Variants in CCNB1IP1 observed in about 807,000 individuals in gnomAD.
The protein encoded by CCNB1IP1 is cyclin B1 interacting protein 1.
In CCNB1IP1, 14 loss-of-function variants were observed where a neutral mutation model predicts 25.6. The observed-to-expected ratio is 0.55, with a 90% CI of 0.36 to 0.85. CCNB1IP1 has a LOEUF of 0.85. Ranked by LOEUF, CCNB1IP1 falls within the 40% of genes least tolerant of loss-of-function variation. The probability of loss-of-function intolerance (pLI) is 0.01; values close to 1 mark genes in which losing one functional copy is unlikely to be tolerated. For missense variants in CCNB1IP1, 278 were observed against 342.4 expected, an observed-to-expected ratio of 0.81 and a Z score of 1.48; for synonymous variants, 119 against 116.1, an observed-to-expected ratio of 1.02 and a Z score of -0.16.
At chr14:20,327,908 C>A (rs1419692710) in intron 2 of CCNB1IP1, among the ~76,000 whole-genome samples, 1 of 152,094 alleles carries the variant, frequency 6.6e-6, no homozygotes, top group Non-Finnish European at 1.5e-5. Context: ...CAATAAGTAA[C>A]CACTTAATTA....
chr14:20,328,040 T>G (rs1883129007), intron 2 of CCNB1IP1, among the ~76,000 whole-genome samples: 1 of 152,212 alleles, frequency 6.6e-6, no homozygotes, highest in Admixed American at 6.5e-5. Context: ...CATCAGTGCC[T>G]TTAAGAATGG....
At chr14:20,316,152 A>G (rs1161088444) in intron 5 of CCNB1IP1, 75 bp downstream of exon 5, 1 of 1,293,092 alleles carries the variant, frequency 7.7e-7, no homozygotes, top group African/African-American at 1.5e-5. Context: ...TAATAATACA[A>G]TGAAGGAAAG....
chr14:20,321,564 G>A (rs1882896331), intron 4 of CCNB1IP1, among the ~76,000 whole-genome samples: 1 of 151,622 alleles, frequency 6.6e-6, no homozygotes, highest in African/African-American at 2.4e-5. Context: ...GCAATTCCTT[G>A]CCTCAGCCTC....
chr14:20,312,113 C>T (rs1035341379), intron 6 of CCNB1IP1, among the ~76,000 whole-genome samples: 1 of 152,032 alleles, frequency 6.6e-6, no homozygotes, highest in African/African-American at 2.4e-5. Flanking sequence ...AAGGAAAATG[C>T]TGACTATATA....
chr14:20,330,557 T>C (rs1026064289), intron 1 of CCNB1IP1: 3 of 151,920 alleles, frequency 2.0e-5, no homozygotes, highest in African/African-American at 7.3e-5. Flanking sequence ...GTCACTCATA[T>C]AGTACTCATA....
chr14:20,318,660 G>A (rs1193014971), intron 4 of CCNB1IP1, among the ~76,000 whole-genome samples: 1 of 152,060 alleles, frequency 6.6e-6, no homozygotes, highest in African/African-American at 2.4e-5. Flanking sequence ...AGCTGCTTTA[G>A]GTAATTATTT....
intron 2 of CCNB1IP1, among the ~76,000 whole-genome samples, chr14:20,328,148 A>G (rs986685148): frequency 2.0e-5 from 3 of 152,124 alleles, no homozygotes; most frequent in Non-Finnish European, 4.4e-5. Context: ...AAATTTTACA[A>G]CCCCCTATTT....
At position 20,311,544 on chromosome 14, in the gene CCNB1IP1, C is replaced by T. The variant is rs376611639; in HGVS notation, c.*6G>A. ...GGGATCACAGGTGCGTGACACTATG[C>T]GTGGCTCAAATTCTTTTTACTTTGA... On this transcript the variant is annotated 3_prime_UTR_variant, in exon 7 of 7. Transcript: ENST00000358932. 2.4e-5 allele frequency: 39 copies of T among 1,610,972 alleles called. No homozygotes were observed. The East Asian group carries it at 6.0e-4, about 25-fold the overall frequency.
At chr14:20,314,817 C>T (rs1488277603) in intron 5 of CCNB1IP1, among the ~76,000 whole-genome samples, 2 of 151,914 alleles carry the variant, frequency 1.3e-5, no homozygotes, top group African/African-American at 4.8e-5. Flanking sequence ...CTCGGCCGGG[C>T]GCGGTGGCTC....
intron 1 of CCNB1IP1, chr14:20,332,805 C>A (rs1240048967): frequency 6.6e-6 from 1 of 152,224 alleles, no homozygotes; most frequent in Non-Finnish European, 1.5e-5. Context: ...CTGCAGCTTC[C>A]ACAAACCCAG....
chr14:20,323,619 G>T (rs552374952), intron 4 of CCNB1IP1, among the ~76,000 whole-genome samples: 1 of 151,704 alleles, frequency 6.6e-6, no homozygotes, highest in South Asian at 2.1e-4. Flanking sequence ...TATAAGATAG[G>T]AATCATTACA....
At position 20,332,026 on chromosome 14, in the gene CCNB1IP1, A is replaced by AT. The variant is rs57345952; in HGVS notation, c.-431+1227dup. On this transcript the variant is annotated intron_variant, in intron 1 of 6. Coordinates refer to ENST00000358932, the MANE Select transcript of CCNB1IP1 (RefSeq NM_021178.5). Reference sequence around the variant, plus strand: ...TATACATATATATATATATATATATATTTTTTTTTTTTTTTTTTTTTTTTT... The same window carrying AT: ...TATACATATATATATATATATATATATTTTTTTTTTTTTTTTTTTTTTTTTT... Among the ~76,000 whole-genome samples, 290 of 40,638 alleles carry AT rather than the reference A, an allele frequency of 7.1e-3. 6 individuals are homozygous for AT. Among genetic ancestry groups the AT allele is most frequent in the East Asian group, 0.027 (31 of 1,162 alleles). The allele number at this position is 40,638 out of a possible 152,430, so 26.7% of individuals were successfully genotyped here.
chr14:20,315,090 CA>C (rs546805664), intron 5 of CCNB1IP1, among the ~76,000 whole-genome samples: 12,408 of 24,272 alleles, frequency 0.51, 2,333 homozygotes, highest in Middle Eastern at 0.71. Context: ...GACTCCGTCT[CA>C]AAAAAAAAAA....
Position 20,311,481 on chromosome 14 carries a change from C to A in CCNB1IP1, c.*69G>T. 1 of 1,372,002 alleles carries A rather than the reference C, an allele frequency of 7.3e-7. No individual in the cohort carries two copies. The highest frequency in any genetic ancestry group is 1.7e-5 in the Admixed American group (1 of 59,148). The allele number at this position is 1,372,002 out of a possible 1,614,324, so 85.0% of individuals were successfully genotyped here. A position where few individuals can be genotyped will look rare whatever the true frequency, so the allele number is the denominator to read the frequency against. ...ATCACTAAAGCCTCAGACTCCTGGG[C>A]TCAAGTGATCCTCCCAGCCTCAACC... On this transcript the variant is annotated 3_prime_UTR_variant, in exon 7 of 7. Coordinates refer to ENST00000358932, the MANE Select transcript of CCNB1IP1 (RefSeq NM_021178.5).
At chr14:20,320,059 C>T (rs1882842428) in intron 4 of CCNB1IP1, among the ~76,000 whole-genome samples, 1 of 152,190 alleles carries the variant, frequency 6.6e-6, no homozygotes, top group Non-Finnish European at 1.5e-5. Context: ...TGTGATTTGC[C>T]TGTTCATGTC....
intron 4 of CCNB1IP1, among the ~76,000 whole-genome samples, chr14:20,321,457 CT>C (rs35540185): frequency 0.45 from 65,764 of 146,862 alleles, 15,896 homozygotes; most frequent in African/African-American, 0.68. Context: ...TTTCAAGAAT[CT>C]TTTTTTTTTT....
intron 4 of CCNB1IP1, among the ~76,000 whole-genome samples, chr14:20,322,994 A>C (rs1882944479): frequency 6.6e-6 from 1 of 152,154 alleles, no homozygotes; most frequent in Non-Finnish European, 1.5e-5. Context: ...AACCATTTAA[A>C]ATTTGAACAT....
rs1883087616 is a variant in CCNB1IP1 at position 20,326,705 on chromosome 14, C to T, written c.-153+11G>A. ...ATGAGGTAAAAACGAAGATTTTGCT[C>T]TTACTCTTACCTCTGGCATCACATG... On this transcript the variant is annotated intron_variant, in intron 3 of 6. Coordinates refer to ENST00000358932, the MANE Select transcript of CCNB1IP1 (RefSeq NM_021178.5). 3.2e-6 allele frequency: 1 copy of T among 314,816 alleles called. No individual in the cohort carries two copies. Among genetic ancestry groups the T allele is most frequent in the Non-Finnish European group, 6.4e-6 (1 of 156,598 alleles). 19.5% of individuals were successfully genotyped at this position (314,816 alleles called of 1,614,324 possible).
At chr14:20,321,094 A>G (rs1882880521) in intron 4 of CCNB1IP1, among the ~76,000 whole-genome samples, 1 of 151,472 alleles carries the variant, frequency 6.6e-6, no homozygotes, top group Admixed American at 6.6e-5. Context: ...CCGAGATCAC[A>G]CCATTGCACT....
Sources: allele counts gnomAD v4.1 joint callset (sites outside exome capture counted in the v4.1 genomes callset), GRCh38; gene constraint gnomAD v4.1.1; transcripts MANE v1.5; gene names NCBI Gene and HGNC (gene_info 2026-07-23, HGNC 2026-07-21).